HIVEP3: variants seen among roughly 807,000 people sequenced by gnomAD.
The protein encoded by HIVEP3 is HIVEP zinc finger 3, also known as transcription factor HIVEP3.
A neutral mutation model predicts 152.8 loss-of-function variants in HIVEP3; 49 were observed. The ratio of observed to expected loss-of-function variants is 0.32; its 90% CI spans 0.26 to 0.41. The LOEUF (loss-of-function observed/expected upper bound fraction) is 0.41, where lower values mean the gene tolerates loss of function less well. HIVEP3 is among the 10% of genes least tolerant of loss of function. HIVEP3 has a pLI of 1.00. For missense variants in HIVEP3, 2,790 were observed against 3,103.3 expected (o/e 0.90, Z 2.40); for synonymous variants, 1,269 against 1,289.0 (o/e 0.98, Z 0.33).
rs1052009061 is a variant in HIVEP3, at chr1:41,525,012, A to G, written c.5208-102T>C. On this transcript the variant is annotated intron_variant, in intron 5 of 8. Coordinates refer to ENST00000372583, the MANE Select transcript of HIVEP3 (RefSeq NM_024503.5). ...TTCCTAGATTCATCCAGCCCGTTAC[A>G]GACGCAAGGAATGGAGGCCACGGAA... The G allele has an allele frequency of 3.5e-6, 4 of 1,130,344 alleles. No homozygotes were observed. The African/African-American group carries it at 6.2e-5, about 17-fold the overall frequency. The allele number at this position is 1,130,344 out of a possible 1,614,324, so 70.0% of individuals were successfully genotyped here.
In HIVEP3 at chr1:41,584,285, G is replaced by C. The variant is rs1442171172; in HGVS notation, c.513C>G (p.Val171=). Residue 171 remains valine (V), a synonymous_variant, in exon 4 of 9, where the codon GTC becomes GTG. Coordinates refer to ENST00000372583, the MANE Select transcript of HIVEP3 (RefSeq NM_024503.5). This position sits in a 1 kb window ranked among gnomAD's most constrained non-coding sequence, Gnocchi z 5.2. ...GTGCCTCTTCTGTGGGCTTCAAGGAGACCTGGGAAGGACGAGGCACGAAGA... is the reference window on the plus strand; with the variant it reads ...GTGCCTCTTCTGTGGGCTTCAAGGACACCTGGGAAGGACGAGGCACGAAGA... ...PKVFVPRPSQ[V]SLKPTEEAHK... The C allele has an allele frequency of 1.2e-6, 2 of 1,613,650 alleles. No individual in the cohort carries two copies. The highest frequency in any genetic ancestry group is 1.7e-6 in the Non-Finnish European group (2 of 1,179,820).
intron 1 of HIVEP3, among the ~76,000 whole-genome samples, chr1:42,024,668 C>T (rs558734908): frequency 6.6e-6 from 1 of 152,306 alleles, no homozygotes; most frequent in African/African-American, 2.4e-5. Flanking sequence ...TTTACATTCA[C>T]CCACATGGTG....
intron 5 of HIVEP3, among the ~76,000 whole-genome samples, 185 bp downstream of exon 5, chr1:41,575,359 G>A (rs539042732): frequency 2.0e-5 from 3 of 152,152 alleles, no homozygotes; most frequent in African/African-American, 7.2e-5. Flanking sequence ...GAAGCCCCAC[G>A]GCATTCTTAA....
chr1:41,656,603 A>G (rs1288527833), intron 2 of HIVEP3, among the ~76,000 whole-genome samples: 2 of 152,208 alleles, frequency 1.3e-5, no homozygotes, highest in East Asian at 3.8e-4. Flanking sequence ...GACTCTCCAA[A>G]GCAGCAATGC....
chr1:41,558,648 T>C (rs1644006639), intron 5 of HIVEP3, among the ~76,000 whole-genome samples: 1 of 152,214 alleles, frequency 6.6e-6, no homozygotes, highest in Non-Finnish European at 1.5e-5. Flanking sequence ...ATGCTCACAT[T>C]GCAGAGGAGC....
In HIVEP3 at chr1:41,972,548, C is replaced by A. The variant is rs1645235872; in HGVS notation, n.120-54024G>T. 3.3e-5 allele frequency among the ~76,000 whole-genome samples: 5 copies of A among 152,316 alleles called. No individual in the cohort carries two copies. The South Asian group carries it at 1.0e-3, about 32-fold the overall frequency. ...TTCCATGCAATTGATTACTTCATTA[C>A]AATGGTGGGACATGTTTCAAAAGAG... On this transcript the variant is annotated intron_variant and non_coding_transcript_variant, in intron 1 of 3. Coordinates refer to the HIVEP3 transcript ENST00000489103.
chr1:41,558,506 T>C (rs764874809), intron 5 of HIVEP3, among the ~76,000 whole-genome samples: 2 of 152,204 alleles, frequency 1.3e-5, no homozygotes, highest in African/African-American at 4.8e-5. Flanking sequence ...TTCTGAAAGT[T>C]TGTAGGAGCT....
At chr1:41,888,710 A>AC (rs1413290251) in intron 1 of HIVEP3, among the ~76,000 whole-genome samples, 1 of 112,616 alleles carries the variant, frequency 8.9e-6, no homozygotes, top group Non-Finnish European at 1.8e-5. Flanking sequence ...TATACCTCAC[A>AC]CCCCCCACAC....
At chr1:41,532,347 C>T (rs1339179263) in intron 5 of HIVEP3, among the ~76,000 whole-genome samples, 2 of 151,880 alleles carry the variant, frequency 1.3e-5, no homozygotes, top group Non-Finnish European at 2.9e-5. Context: ...GAAGGGAGGA[C>T]TTGGGTAGGC....
At chr1:41,931,105 C>A (rs1286117196) in intron 1 of HIVEP3, among the ~76,000 whole-genome samples, 1 of 151,978 alleles carries the variant, frequency 6.6e-6, no homozygotes, top group Non-Finnish European at 1.5e-5. Flanking sequence ...TTTCACAGAG[C>A]AAAATTTTTA....
chr1:41,972,161 A>G (rs1645233541), intron 1 of HIVEP3, among the ~76,000 whole-genome samples: 1 of 152,006 alleles, frequency 6.6e-6, no homozygotes, highest in Non-Finnish European at 1.5e-5. Flanking sequence ...CAAGTTCACC[A>G]CTCCTCCACC....
At chr1:41,765,189 T>C (rs1647934101) in intron 1 of HIVEP3, among the ~76,000 whole-genome samples, 1 of 152,238 alleles carries the variant, frequency 6.6e-6, no homozygotes, top group African/African-American at 2.4e-5. Context: ...CTTTGGCTTA[T>C]TTTAATTAAT....
intron 5 of HIVEP3, among the ~76,000 whole-genome samples, chr1:41,525,642 G>A (rs1032508075): frequency 1.3e-5 from 2 of 152,210 alleles, no homozygotes; most frequent in Non-Finnish European, 2.9e-5. Flanking sequence ...GCAGGATGCA[G>A]GGTCCCAGCC....
At chr1:41,643,156 C>A (rs1165809622) in intron 2 of HIVEP3, among the ~76,000 whole-genome samples, 1 of 152,186 alleles carries the variant, frequency 6.6e-6, no homozygotes, top group East Asian at 1.9e-4. Flanking sequence ...TGCTGCTGCC[C>A]CAAGCGGTAC....
intron 5 of HIVEP3, among the ~76,000 whole-genome samples, chr1:41,528,485 A>G (rs1320684992): frequency 6.2e-5 from 2 of 32,472 alleles, no homozygotes; most frequent in Non-Finnish European, 1.2e-4. Context: ...CACACTCCAC[A>G]CCCCCACCCT....
chr1:41,641,645 T>C (rs1045675528), intron 2 of HIVEP3, among the ~76,000 whole-genome samples: 1 of 152,202 alleles, frequency 6.6e-6, no homozygotes, highest in South Asian at 2.1e-4. Context: ...TCACCACCTA[T>C]ATGTGGGCTC....
chr1:42,032,314 TG>T (rs1166631675), intron 1 of HIVEP3, among the ~76,000 whole-genome samples: 1 of 152,168 alleles, frequency 6.6e-6, no homozygotes, highest in Non-Finnish European at 1.5e-5. Context: ...GCCATCTCAC[TG>T]CCACCTCCTT....
At chr1:42,032,944 T>C (rs918894984) in intron 1 of HIVEP3, among the ~76,000 whole-genome samples, 1 of 152,134 alleles carries the variant, frequency 6.6e-6, no homozygotes, top group Non-Finnish European at 1.5e-5. Flanking sequence ...TCCCATTCCC[T>C]AGCACCAGAT....
intron 2 of HIVEP3, among the ~76,000 whole-genome samples, chr1:41,666,615 G>C (rs1261064257): frequency 1.3e-5 from 2 of 152,104 alleles, no homozygotes; most frequent in African/African-American, 4.8e-5. Context: ...CATCTTCATG[G>C]ATGTGGGCAT....
Sources: allele counts gnomAD v4.1 joint callset (sites outside exome capture counted in the v4.1 genomes callset), GRCh38; gene constraint gnomAD v4.1.1; non-coding constraint Gnocchi (gnomAD v3.1); transcripts MANE v1.5; gene names NCBI Gene and HGNC (gene_info 2026-07-23, HGNC 2026-07-21).